Variants in ESD observed in about 807,000 individuals in gnomAD.
ESD encodes the protein S-formylglutathione hydrolase.
In ESD, 34 loss-of-function variants were observed where a neutral mutation model predicts 38.1. The observed-to-expected ratio is 0.89, with a 90% CI of 0.68 to 1.19. The LOEUF is 1.19. Ranked by LOEUF, ESD falls within the 50% of genes most tolerant of loss-of-function variation. ESD has a pLI of 0.00. For missense variants in ESD, 334 were observed against 327.2 expected (o/e 1.02, Z -0.16); for synonymous variants, 97 against 107.0 (o/e 0.91, Z 0.58).
At chr13:46,775,394 ATTTTC>A (rs1198274765) in intron 9 of ESD, 1 of 219,192 alleles carries the variant, frequency 4.6e-6, no homozygotes, top group African/African-American at 2.3e-5. Flanking sequence ...GATTGTAATT[ATTTTC>A]TTTATTCTTT....
rs868080158 is a variant in ESD at position 46,777,596 on chromosome 13, A to C, written c.628T>G (p.Ser210Ala). Reference protein sequence around the residue: ...KAYDATHLVKSYPGSQLDILI... With the variant: ...KAYDATHLVKAYPGSQLDILI... The stretch of plus-strand genomic sequence containing the variant: ...ATGTCCAGCTGAGATCCTGGATAGG[A>C]TTTCACAAGGTGGGTAGCATCATAA... The change falls in exon 9 of 10, where the codon TCC becomes GCC. Residue 210 changes from serine (S) to alanine (A), a missense_variant. Ser to Ala is a moderately conservative substitution (Grantham distance 99, BLOSUM62 1). Transcript: ENST00000378720. The C allele has an allele frequency of 9.3e-6, 15 of 1,606,716 alleles. No individual in the cohort carries two copies. The highest frequency in any genetic ancestry group is 2.7e-5 in the African/African-American group (2 of 74,572).
chr13:46,783,615 C>G (rs756482977), intron 5 of ESD, among the ~76,000 whole-genome samples: 1 of 151,636 alleles, frequency 6.6e-6, no homozygotes, highest in Non-Finnish European at 1.5e-5. Context: ...ATATTTCTAA[C>G]CAGATATGCA....
chr13:46,794,234 T>C (rs1009447442), intron 1 of ESD, among the ~76,000 whole-genome samples: 2 of 152,132 alleles, frequency 1.3e-5, no homozygotes, highest in Admixed American at 1.3e-4. Context: ...ACACAATTTT[T>C]CCCAAATGTT....
chr13:46,788,755 T>C (rs1304396080), intron 3 of ESD, among the ~76,000 whole-genome samples: 1 of 151,214 alleles, frequency 6.6e-6, no homozygotes, highest in African/African-American at 2.4e-5. Context: ...AAGATGTTGC[T>C]CAATTACCAA....
chr13:46,783,189 C>T (rs1402640252), intron 5 of ESD, among the ~76,000 whole-genome samples: 1 of 151,878 alleles, frequency 6.6e-6, no homozygotes, highest in African/African-American at 2.4e-5. Flanking sequence ...ATGACCCTCT[C>T]TCACTATCAG....
chr13:46,782,572 C>T (rs1875042213), intron 6 of ESD, 95 bp downstream of exon 6: 5 of 1,372,068 alleles, frequency 3.6e-6, no homozygotes, highest in African/African-American at 2.9e-5. Flanking sequence ...AACTTTTATA[C>T]CCTAGTTTAA....
intron 5 of ESD, among the ~76,000 whole-genome samples, chr13:46,783,544 TTTTA>T (rs1273453779): frequency 1.4e-5 from 1 of 70,010 alleles, no homozygotes; most frequent in African/African-American, 1.9e-4. Context: ...TTAGTTTCCC[TTTTA>T]TATATCTATT....
chr13:46,785,351 T>A (rs527412980), intron 4 of ESD, among the ~76,000 whole-genome samples: 1 of 152,024 alleles, frequency 6.6e-6, no homozygotes, highest in Non-Finnish European at 1.5e-5. Context: ...TATAATAGTG[T>A]GCCATGAACA....
rs141902299 is a variant in ESD, at chr13:46,784,324, T to C, written c.184A>G (p.Ile62Val). 4 of 1,611,170 alleles carry C rather than the reference T, an allele frequency of 2.5e-6. No homozygotes were observed. Among genetic ancestry groups the C allele is most frequent in the Admixed American group, 3.3e-5 (2 of 59,792 alleles). ...GACTGATGATAACCAGATTTTGATA[T>C]AAAATTTTGCTCTGTGCAAGTTAAA... ...SGLTCTEQNF[I>V]SKSGYHQSAS... Residue 62 changes from isoleucine to valine, a missense_variant, in exon 5 of 10, where the codon ATA becomes GTA. Ile to Val is a conservative substitution (Grantham distance 29, BLOSUM62 3). Transcript: ENST00000378720.
chr13:46,787,270 T>C (rs1468323528), intron 3 of ESD, among the ~76,000 whole-genome samples, 161 bp from the exon 4 acceptor site: 3 of 151,990 alleles, frequency 2.0e-5, no homozygotes, highest in Non-Finnish European at 2.9e-5. Context: ...TTAACGAATA[T>C]ACTTGTCCCT....
At chr13:46,788,641 C>T (rs974135575) in intron 3 of ESD, among the ~76,000 whole-genome samples, 1 of 115,182 alleles carries the variant, frequency 8.7e-6, no homozygotes, top group African/African-American at 3.2e-5. Context: ...AAAGTATGTT[C>T]AACAGTGGTA....
rs150802301 is a variant in ESD at position 46,790,328 on chromosome 13, G to A, written c.68+1018C>T. Reference sequence around the variant, plus strand: ...AGTTGAAAGCACTGTGCCTACAGGTGGAGTTGTCAATCATTGCTTTACTGT... The same window carrying A: ...AGTTGAAAGCACTGTGCCTACAGGTAGAGTTGTCAATCATTGCTTTACTGT... On this transcript the variant is annotated intron_variant, in intron 3 of 9. Coordinates refer to ENST00000378720, the MANE Select transcript of ESD (RefSeq NM_001984.2). Among the ~76,000 whole-genome samples, 1,346 of 152,172 alleles carry A rather than the reference G, an allele frequency of 8.8e-3. 14 individuals carry two copies. The highest frequency in any genetic ancestry group is 0.017 in the Middle Eastern group (5 of 294).
chr13:46,784,334 C>T lies in ESD; in HGVS notation c.174G>A (p.Glu58=), dbSNP rs2138295492. ...AACCAGATTTTGATATAAAATTTTG[C>T]TCTGTGCAAGTTAAACCTGAAGATA... ...LYWLSGLTCT[E]QNFISKSGYH... Residue 58 remains glutamate (E), a synonymous_variant, in exon 5 of 10, where the codon GAG becomes GAA. Coordinates refer to ENST00000378720, the MANE Select transcript of ESD (RefSeq NM_001984.2). 6.2e-7 allele frequency: 1 copy of T among 1,610,288 alleles called. No homozygotes were observed.
Position 46,784,373 on chromosome 13 carries a change from T to C in ESD, c.158-23A>G, listed in dbSNP as rs146959140. 3,143 of 1,504,610 alleles carry C rather than the reference T, an allele frequency of 2.1e-3. 7 individuals are homozygous for C. Among genetic ancestry groups the C allele is most frequent in the Non-Finnish European group, 2.7e-3 (2,932 of 1,086,512 alleles). 93.2% of individuals were successfully genotyped at this position (1,504,610 alleles called of 1,614,324 possible). On this transcript the variant is annotated intron_variant, in intron 4 of 9. Coordinates refer to ENST00000378720, the MANE Select transcript of ESD (RefSeq NM_001984.2). ...AACCTGAAGATAAAAAATATTGTTA[T>C]TGGGCACACATGGACATGAAGATGT...
At chr13:46,782,926 G>C (rs1246562526) in intron 5 of ESD, 135 bp from the exon 6 acceptor site, 1 of 1,098,716 alleles carries the variant, frequency 9.1e-7, no homozygotes, top group South Asian at 1.6e-5. Context: ...CTGCCTTTTG[G>C]AGCACATGAT....
chr13:46,779,949 G>T lies in ESD; in HGVS notation c.586C>A (p.Gln196Lys). The stretch of plus-strand genomic sequence containing the variant: ...TCAGTACCTACCTTCCATTTACTTT[G>T]ATCTGTTCCCAAATATCCACTAAAG... The part of the protein sequence containing the change: ...KAFSGYLGTD[Q>K]SKWKAYDATH... The change falls in exon 8 of 10, where the codon CAA becomes AAA. Residue 196 changes from glutamine to lysine, a missense_variant. Transcript: ENST00000378720. The T allele has an allele frequency of 1.9e-6, 3 of 1,604,250 alleles. No individual in the cohort carries two copies. Among genetic ancestry groups the T allele is most frequent in the South Asian group, 2.2e-5 (2 of 90,608 alleles).
chr13:46,784,116 A>C (rs1566280862), intron 5 of ESD, 136 bp downstream of exon 5: 3 of 618,710 alleles, frequency 4.8e-6, no homozygotes, highest in Non-Finnish European at 8.1e-6. Context: ...TTTTGGAGTC[A>C]TGATGCCACT....
intron 4 of ESD, among the ~76,000 whole-genome samples, chr13:46,784,601 A>G (rs1388199715): frequency 6.6e-6 from 1 of 152,052 alleles, no homozygotes; most frequent in Admixed American, 6.6e-5. Context: ...TATTAAAAAT[A>G]AATTATCTCA....
At chr13:46,774,933 T>C (rs964189713) in intron 9 of ESD, among the ~76,000 whole-genome samples, 1 of 152,204 alleles carries the variant, frequency 6.6e-6, no homozygotes, top group Non-Finnish European at 1.5e-5. Flanking sequence ...AGCAGGCAGA[T>C]GCAGAGGCTA....
Sources: gnomAD v4.1 joint callset for allele counts (sites outside exome capture counted in the v4.1 genomes callset) on GRCh38, gnomAD v4.1.1 for gene constraint, MANE v1.5 for transcripts, NCBI Gene and HGNC (gene_info 2026-07-23, HGNC 2026-07-21) for gene names.